Variants in CLASP2 observed in about 807,000 individuals in gnomAD.
The protein encoded by CLASP2 is cytoplasmic linker associated protein 2.
In CLASP2, 47 loss-of-function variants were observed where a neutral mutation model predicts 194.4. The ratio of observed to expected loss-of-function variants is 0.24; its 90% CI spans 0.19 to 0.31. CLASP2 has a LOEUF of 0.31. Among genes scored for constraint, CLASP2 ranks in the 10% least tolerant of loss-of-function variants. The probability of loss-of-function intolerance (pLI) is 1.00; values close to 1 mark genes in which losing one functional copy is unlikely to be tolerated. For missense variants in CLASP2, 1,445 were observed against 1,823.6 expected, an observed-to-expected ratio of 0.79 and a Z score of 3.78; for synonymous variants, 619 against 633.5, an observed-to-expected ratio of 0.98 and a Z score of 0.34.
intron 18 of CLASP2, among the ~76,000 whole-genome samples, chr3:33,597,755 T>A (rs1486600610): frequency 7.0e-6 from 1 of 143,402 alleles, no homozygotes; most frequent in African/African-American, 2.6e-5. Flanking sequence ...TTCTTTTCTT[T>A]CTTTTTTTTT....
intron 29 of CLASP2, among the ~76,000 whole-genome samples, chr3:33,554,100 C>A (rs977660274): frequency 6.6e-5 from 10 of 151,782 alleles, no homozygotes; most frequent in Non-Finnish European, 1.2e-4. Flanking sequence ...TGGTGGTGGG[C>A]GCCTGTAATC....
rs1253982553 is a variant in CLASP2 at position 33,506,968 on chromosome 3, C to T, written c.4317+3590G>A. Among the ~76,000 whole-genome samples, 7 of 132,884 alleles carry T rather than the reference C, an allele frequency of 5.3e-5. No individual in the cohort carries two copies. The East Asian group carries it at 1.1e-3, about 21-fold the overall frequency. The allele number at this position is 132,884 out of a possible 152,430, so 87.2% of individuals were successfully genotyped here. The stretch of plus-strand genomic sequence containing the variant: ...TTTTTTTTTTTTTGAGAAGGAGTTT[C>T]GCTCTTGTTGCCCAGGCTGGAGTGC... On this transcript the variant is annotated intron_variant, in intron 37 of 38. Coordinates refer to ENST00000682230, the MANE Select transcript of CLASP2 (RefSeq NM_001365631.1).
chr3:33,585,315 A>T (rs1468583478), intron 21 of CLASP2, among the ~76,000 whole-genome samples: 1 of 152,220 alleles, frequency 6.6e-6, no homozygotes, highest in Non-Finnish European at 1.5e-5. Context: ...TATGTCACTT[A>T]ACAATGGGAT....
chr3:33,535,338 A>T lies in CLASP2; in HGVS notation c.3682T>A (p.Ser1228Thr). 3.1e-6 allele frequency: 5 copies of T among 1,613,854 alleles called. No homozygotes were observed. Among genetic ancestry groups the T allele is most frequent in the Non-Finnish European group, 4.2e-6 (5 of 1,179,848 alleles). Residue 1228 changes from serine (S) to threonine (T), a missense_variant, in exon 34 of 39, where the codon TCT (serine) becomes ACT (threonine). Ser to Thr is a moderately conservative substitution (Grantham distance 58). Around this residue, in one of 4 missense-constraint regions of CLASP2, gnomAD observed 732 missense variants for 987.9 expected, o/e 0.74. Transcript: ENST00000682230. ...TAGTTATATGGATTATAGTCTCGAGAGCGTGGAGAGGAGTGAGTAGGCATT... is the reference window on the plus strand; with the variant it reads ...TAGTTATATGGATTATAGTCTCGAGTGCGTGGAGAGGAGTGAGTAGGCATT... ...HSMPTHSSPRSRDYNPYNYSD... is the reference protein window; with the variant it reads ...HSMPTHSSPRTRDYNPYNYSD...
intron 2 of CLASP2, among the ~76,000 whole-genome samples, chr3:33,695,995 C>T (rs1386597085): frequency 1.3e-5 from 2 of 152,172 alleles, no homozygotes; most frequent in African/African-American, 4.8e-5. Flanking sequence ...CACTGTACTA[C>T]AAACACACTG....
intron 26 of CLASP2, among the ~76,000 whole-genome samples, chr3:33,568,948 A>G (rs985923192): frequency 1.3e-5 from 2 of 152,216 alleles, no homozygotes; most frequent in African/African-American, 4.8e-5. Flanking sequence ...CATGTCTAGT[A>G]TCCTTAATGA....
chr3:33,577,613 C>T (rs779434108), intron 23 of CLASP2, among the ~76,000 whole-genome samples: 6 of 152,020 alleles, frequency 3.9e-5, no homozygotes, highest in Non-Finnish European at 8.8e-5. Flanking sequence ...TCCTTTAATC[C>T]TGACATCCAA....
chr3:33,692,518 A>T (rs2091463096), intron 2 of CLASP2, among the ~76,000 whole-genome samples: 1 of 152,224 alleles, frequency 6.6e-6, no homozygotes, highest in Non-Finnish European at 1.5e-5. Context: ...TTTAACACAT[A>T]CTACCTTGAA....
At chr3:33,674,121 C>A (rs2087993800) in intron 6 of CLASP2, among the ~76,000 whole-genome samples, 1 of 152,132 alleles carries the variant, frequency 6.6e-6, no homozygotes, top group Admixed American at 6.5e-5. Context: ...ACTCTCCACC[C>A]CAAATCAACA....
chr3:33,712,839 G>A lies in CLASP2; in HGVS notation c.195+4969C>T, dbSNP rs2093084348. On this transcript the variant is annotated intron_variant, in intron 1 of 38. Transcript: ENST00000682230. ...AAGCCGGGCATGGTGGTGCGTGCCT[G>A]TAATCCCAGGTACTCAGGAGGCTGA... Among the ~76,000 whole-genome samples the A allele has an allele frequency of 3.3e-5, 5 of 151,840 alleles. No homozygotes were observed. In the South Asian group the frequency reaches 1.0e-3, roughly 32 times the overall value.
chr3:33,671,109 T>G (rs2087094571), intron 6 of CLASP2, among the ~76,000 whole-genome samples: 1 of 152,006 alleles, frequency 6.6e-6, no homozygotes, highest in Non-Finnish European at 1.5e-5. Context: ...GGGAAATATA[T>G]GATTCCAGCC....
At chr3:33,562,896 C>G (rs2062024249) in intron 27 of CLASP2, among the ~76,000 whole-genome samples, 1 of 152,168 alleles carries the variant, frequency 6.6e-6, no homozygotes, top group African/African-American at 2.4e-5. Context: ...TTCAGTTGTG[C>G]TCTATCCACT....
At chr3:33,681,891 A>G (rs1330684097) in intron 6 of CLASP2, among the ~76,000 whole-genome samples, 1 of 152,176 alleles carries the variant, frequency 6.6e-6, no homozygotes, top group Non-Finnish European at 1.5e-5. Context: ...GGGGCAGGGA[A>G]GAGTGAATGA....
intron 6 of CLASP2, among the ~76,000 whole-genome samples, chr3:33,669,551 C>G (rs763417876): frequency 2.0e-5 from 3 of 150,060 alleles, no homozygotes; most frequent in Non-Finnish European, 4.5e-5. Context: ...TAAAAAAGTT[C>G]TACAAATCAA....
At chr3:33,557,514 G>A (rs2061169048) in intron 29 of CLASP2, among the ~76,000 whole-genome samples, 1 of 151,978 alleles carries the variant, frequency 6.6e-6, no homozygotes, top group Admixed American at 6.6e-5. Flanking sequence ...TAGGACTATA[G>A]GCATGAACTA....
At chr3:33,674,854 C>T (rs1482338883) in intron 6 of CLASP2, among the ~76,000 whole-genome samples, 1 of 152,156 alleles carries the variant, frequency 6.6e-6, no homozygotes, top group Non-Finnish European at 1.5e-5. Context: ...GGATAAATTC[C>T]TGGACACATA....
chr3:33,693,914 T>C (rs1047533983), intron 2 of CLASP2, among the ~76,000 whole-genome samples: 2 of 151,508 alleles, frequency 1.3e-5, no homozygotes, highest in Non-Finnish European at 2.9e-5. Flanking sequence ...CAAATACAAA[T>C]GAAAAACACT....
At chr3:33,608,221 T>C (rs1296716451) in intron 14 of CLASP2, among the ~76,000 whole-genome samples, 1 of 152,202 alleles carries the variant, frequency 6.6e-6, no homozygotes, top group Non-Finnish European at 1.5e-5. Context: ...GAAAGGAGGC[T>C]CCTTCCATCT....
chr3:33,592,090 T>C, intron 21 of CLASP2: 1 of 631,886 alleles, frequency 1.6e-6, no homozygotes, highest in Non-Finnish European at 2.8e-6. Context: ...CAAATGAAGT[T>C]TTTCTTTGTA....
Sources: gnomAD v4.1 joint callset for allele counts (sites outside exome capture counted in the v4.1 genomes callset) on GRCh38, gnomAD v4.1.1 for gene constraint, gnomAD v4.1.1 regional missense constraint, MANE v1.5 for transcripts, NCBI Gene and HGNC (gene_info 2026-07-23, HGNC 2026-07-21) for gene names.